The following EBF2 variants were observed in gnomAD, a reference collection of about 807,000 sequenced individuals.
EBF2 encodes EBF transcription factor 2.
In EBF2, 21 loss-of-function variants were observed where a neutral mutation model predicts 72.8. The observed-to-expected ratio is 0.29, with a 90% CI of 0.20 to 0.42. EBF2 has a LOEUF of 0.42. EBF2 is among the 10% of genes least tolerant of loss of function. The pLI, the probability that EBF2 is intolerant of heterozygous loss-of-function variation, is 1.00. For missense variants in EBF2, 637 were observed against 731.2 expected (o/e 0.87, Z 1.49); for synonymous variants, 299 against 274.2 (o/e 1.09, Z -0.89).
intron 6 of EBF2, among the ~76,000 whole-genome samples, chr8:26,019,088 C>T (rs1336065778): frequency 6.6e-6 from 1 of 152,172 alleles, no homozygotes; most frequent in African/African-American, 2.4e-5. Flanking sequence ...CTGGGTCAGG[C>T]TTTCTGCCTT....
chr8:26,024,191 C>T (rs1447931787), intron 6 of EBF2, among the ~76,000 whole-genome samples: 2 of 152,098 alleles, frequency 1.3e-5, no homozygotes, highest in Non-Finnish European at 1.5e-5. Flanking sequence ...GGCCATTCTG[C>T]CCCAATTTGT....
intron 6 of EBF2, among the ~76,000 whole-genome samples, chr8:26,018,736 T>G (rs1041897459): frequency 2.0e-5 from 3 of 151,666 alleles, no homozygotes; most frequent in Admixed American, 6.6e-5. Flanking sequence ...GAGCACCGTG[T>G]GCTGATGTGT....
intron 10 of EBF2, among the ~76,000 whole-genome samples, chr8:25,879,908 G>A (rs1802580442): frequency 6.6e-6 from 1 of 152,166 alleles, no homozygotes; most frequent in African/African-American, 2.4e-5. Context: ...AAAAAAAGGT[G>A]ATCTTGTTGC....
intron 6 of EBF2, among the ~76,000 whole-genome samples, chr8:25,936,819 C>A (rs1000817573): frequency 6.6e-6 from 1 of 152,186 alleles, no homozygotes; most frequent in Non-Finnish European, 1.5e-5. Context: ...GCCTTGTCTA[C>A]ACTCTGGAGG....
intron 7 of EBF2, among the ~76,000 whole-genome samples, chr8:25,907,419 C>CAAAAAAAAA (rs55695734): frequency 4.2e-4 from 12 of 28,894 alleles, no homozygotes; most frequent in Non-Finnish European, 7.1e-4. Flanking sequence ...GACCCTGCCT[C>CAAAAAAAAA]AAAAAAAAAA....
intron 10 of EBF2, among the ~76,000 whole-genome samples, chr8:25,880,206 C>T (rs963982491): frequency 3.3e-5 from 5 of 152,092 alleles, no homozygotes; most frequent in Admixed American, 6.6e-5. Flanking sequence ...AATATGTGGT[C>T]TCAGTTTGTC....
intron 6 of EBF2, among the ~76,000 whole-genome samples, chr8:25,991,713 G>A (rs2117210140): frequency 6.6e-6 from 1 of 152,228 alleles, no homozygotes; most frequent in East Asian, 1.9e-4. Flanking sequence ...ACGCATGGTG[G>A]CGGGCACCTG....
chr8:25,983,091 C>T (rs960677289), intron 6 of EBF2, among the ~76,000 whole-genome samples: 2 of 152,150 alleles, frequency 1.3e-5, no homozygotes, highest in African/African-American at 4.8e-5. Context: ...CCTCCGCATG[C>T]ACGAGCACGT....
At chr8:25,971,891 G>GC (rs1346589993) in intron 6 of EBF2, among the ~76,000 whole-genome samples, 1 of 152,202 alleles carries the variant, frequency 6.6e-6, no homozygotes, top group Non-Finnish European at 1.5e-5. Flanking sequence ...AGCTCGAGCG[G>GC]CCCCTCCAAG....
At chr8:25,942,945 G>C (rs572154242) in intron 6 of EBF2, among the ~76,000 whole-genome samples, 35 of 152,240 alleles carry the variant, frequency 2.3e-4, no homozygotes, top group African/African-American at 8.4e-4. Flanking sequence ...GTCTACCTCA[G>C]TGCAGTGGTA....
chr8:26,008,006 C>T (rs150114498), intron 6 of EBF2, among the ~76,000 whole-genome samples: 108 of 152,162 alleles, frequency 7.1e-4, no homozygotes, highest in African/African-American at 2.2e-3. Context: ...ACATTTGGGC[C>T]GTTCACAGAG....
intron 6 of EBF2, among the ~76,000 whole-genome samples, chr8:25,997,072 G>C (rs1395430017): frequency 2.0e-5 from 3 of 152,246 alleles, no homozygotes; most frequent in East Asian, 3.9e-4. Flanking sequence ...GGAGGTCATG[G>C]AGATGGGTCA....
intron 14 of EBF2, among the ~76,000 whole-genome samples, chr8:25,856,788 T>C (rs916054188): frequency 6.6e-6 from 1 of 152,220 alleles, no homozygotes; most frequent in African/African-American, 2.4e-5. Flanking sequence ...TCTGAGCTAC[T>C]TTAAAAAATA....
intron 6 of EBF2, among the ~76,000 whole-genome samples, chr8:25,949,316 T>A (rs1803820219): frequency 6.6e-6 from 1 of 152,210 alleles, no homozygotes. Flanking sequence ...CTTCCCCTTT[T>A]CAGCGAATGG....
intron 2 of EBF2, 78 bp downstream of exon 2, chr8:26,042,017 G>T: frequency 6.5e-7 from 1 of 1,549,456 alleles, no homozygotes; most frequent in East Asian, 2.3e-5. Context: ...AGTGTCGCGA[G>T]AGTGACAGAT....
At chr8:26,009,788 CCAGTTAGAAATT>C (rs1804946898) in intron 6 of EBF2, among the ~76,000 whole-genome samples, 1 of 152,132 alleles carries the variant, frequency 6.6e-6, no homozygotes. Context: ...GGGAAACACC[CCAGTTAGAAATT>C]CAGTGACTGG....
At chr8:25,889,579 C>T (rs1802744473) in intron 8 of EBF2, among the ~76,000 whole-genome samples, 173 bp downstream of exon 8, 1 of 151,766 alleles carries the variant, frequency 6.6e-6, no homozygotes, top group Non-Finnish European at 1.5e-5. Flanking sequence ...ACGTGTGGGC[C>T]TTACAGTGGA....
intron 6 of EBF2, among the ~76,000 whole-genome samples, chr8:26,017,665 T>A (rs2117240922): frequency 6.6e-6 from 1 of 152,302 alleles, no homozygotes; most frequent in African/African-American, 2.4e-5. Context: ...AAAGGATGCT[T>A]GGAAACTCCA....
At chr8:25,995,684 A>T (rs1392496046) in intron 6 of EBF2, among the ~76,000 whole-genome samples, 1 of 152,116 alleles carries the variant, frequency 6.6e-6, no homozygotes, top group Non-Finnish European at 1.5e-5. Flanking sequence ...AAAAAATTAT[A>T]TGTAAAAAGA....
Sources: allele counts gnomAD v4.1 joint callset (sites outside exome capture counted in the v4.1 genomes callset), GRCh38; gene constraint gnomAD v4.1.1; transcripts MANE v1.5; gene names NCBI Gene and HGNC (gene_info 2026-07-23, HGNC 2026-07-21).